SFMBT2: variants seen among roughly 807,000 people sequenced by gnomAD.
The protein encoded by SFMBT2 is scm-like with four MBT domains protein 2.
In SFMBT2, 38 loss-of-function variants were observed where a neutral mutation model predicts 110.1. The observed-to-expected ratio is 0.35, with a 90% CI of 0.27 to 0.45. The LOEUF (loss-of-function observed/expected upper bound fraction) is 0.45, where lower values mean the gene tolerates loss of function less well. Ranked by LOEUF, SFMBT2 falls within the 20% of genes least tolerant of loss-of-function variation. The pLI, the probability that SFMBT2 is intolerant of heterozygous loss-of-function variation, is 1.00. For synonymous variants in SFMBT2, 425 were observed against 425.4 expected, an observed-to-expected ratio of 1.00 and a Z score of 0.01; for missense variants, 1,011 against 1,094.9, an observed-to-expected ratio of 0.92 and a Z score of 1.08.
chr10:7,229,033 C>A (rs1840033084), intron 9 of SFMBT2, among the ~76,000 whole-genome samples: 3 of 152,068 alleles, frequency 2.0e-5, no homozygotes, highest in Admixed American at 2.0e-4. Flanking sequence ...TGTAAACAAG[C>A]AAAGGAAAAA....
At chr10:7,208,686 CAAAAAAAAA>C (rs5782957) in intron 11 of SFMBT2, among the ~76,000 whole-genome samples, 1 of 140,178 alleles carries the variant, frequency 7.1e-6, no homozygotes, top group African/African-American at 2.7e-5. Context: ...AATTCCATCT[CAAAAAAAAA>C]AAAAAGAAAA....
chr10:7,228,672 CTTCTTTCTTTCTTTCT>C (rs60421208), intron 9 of SFMBT2, among the ~76,000 whole-genome samples: 881 of 84,928 alleles, frequency 0.01, 30 homozygotes, highest in African/African-American at 0.022. Flanking sequence ...ACTAAAGTGG[CTTCTTTCTTTCTTTCT>C]TTCTTTCTTT....
chr10:7,328,271 T>C (rs987197966), intron 4 of SFMBT2, among the ~76,000 whole-genome samples: 3 of 152,268 alleles, frequency 2.0e-5, no homozygotes, highest in African/African-American at 7.2e-5. Context: ...ATATCTTCTT[T>C]GGTGAAGTGT....
chr10:7,270,118 G>T (rs1841534019), intron 7 of SFMBT2, among the ~76,000 whole-genome samples: 1 of 152,134 alleles, frequency 6.6e-6, no homozygotes, highest in Non-Finnish European at 1.5e-5. Flanking sequence ...GATTCACACA[G>T]GGCCAGTCAA....
At chr10:7,330,758 T>G (rs1412218997) in intron 4 of SFMBT2, among the ~76,000 whole-genome samples, 1 of 152,200 alleles carries the variant, frequency 6.6e-6, no homozygotes, top group African/African-American at 2.4e-5. Flanking sequence ...CCAAGTCAGA[T>G]GTGGTTCTTT....
chr10:7,304,363 G>A (rs976782180), intron 4 of SFMBT2, among the ~76,000 whole-genome samples: 1 of 152,094 alleles, frequency 6.6e-6, no homozygotes, highest in Admixed American at 6.5e-5. Context: ...TGATTGTGAG[G>A]CCTCCCCAGC....
rs1838917041 is a variant in SFMBT2, at chr10:7,200,453, G to A, written c.1519C>T (p.Pro507Ser). ...TGAGGGAATAAACAAAGGTCATGAGGTATTTTCTTAACAGGCACTGTGGGC... is the reference window on the plus strand; with the variant it reads ...TGAGGGAATAAACAAAGGTCATGAGATATTTTCTTAACAGGCACTGTGGGC... ...LPPTVPVKKIPHDLCLFPHLD... is the reference protein window; with the variant it reads ...LPPTVPVKKISHDLCLFPHLD... The change falls in exon 14 of 21, where the codon CCT (proline) becomes TCT (serine). Residue 507 changes from proline (P) to serine (S), a missense_variant. By Grantham distance (74) the Pro-to-Ser change is moderately conservative. Transcript: ENST00000397167. The A allele has an allele frequency of 6.2e-7, 1 of 1,601,572 alleles. No individual in the cohort carries two copies. Among genetic ancestry groups the A allele is most frequent in the African/African-American group, 1.3e-5 (1 of 74,416 alleles).
chr10:7,205,831 TGC>T lies in SFMBT2; in HGVS notation c.1426_1427del (p.Ala476ThrfsTer28). On this transcript the variant is annotated frameshift_variant, in exon 12 of 21. Coordinates refer to ENST00000397167, the MANE Select transcript of SFMBT2 (RefSeq NM_001387889.1). LOFTEE classifies it high-confidence loss of function. ...WCEANSYPLTAPHKTVSQKKR... is the reference protein window; with the variant it reads ...WCEANSYPLTXPHKTVSQKKR... ...ACCACTTACAGACTGTTTTGTGTGG[TGC>T]AGTCAAAGGATAAGAATTGGCTTCA... The T allele has an allele frequency of 6.2e-7, 1 of 1,614,068 alleles. No homozygotes were observed. The highest frequency in any genetic ancestry group is 8.5e-7 in the Non-Finnish European group (1 of 1,179,932).
intron 1 of SFMBT2, among the ~76,000 whole-genome samples, chr10:7,387,498 T>C (rs1004503948): frequency 6.6e-6 from 1 of 151,448 alleles, no homozygotes; most frequent in African/African-American, 2.4e-5. Context: ...AGAATGTACC[T>C]GGAATCCCAC....
At chr10:7,410,009 C>A (rs1003716634) in intron 1 of SFMBT2, among the ~76,000 whole-genome samples, 1 of 151,694 alleles carries the variant, frequency 6.6e-6, no homozygotes, top group Non-Finnish European at 1.5e-5. Flanking sequence ...TCTCGCAGTT[C>A]CTACAGTTGC....
In SFMBT2 at chr10:7,301,184, G is replaced by C. The variant is rs1033881037; in HGVS notation, c.437-15230C>G. ...CAGAAGTTCCTTCACTGAAAGTCTC[G>C]GGGAAGGGAATAGTCAGCATAAAGA... On this transcript the variant is annotated intron_variant, in intron 4 of 20. Coordinates refer to ENST00000397167, the MANE Select transcript of SFMBT2 (RefSeq NM_001387889.1). This position sits in a 1 kb window ranked among gnomAD's most constrained non-coding sequence, Gnocchi z 4.2. Among the ~76,000 whole-genome samples, 2 of 152,194 alleles carry C rather than the reference G, an allele frequency of 1.3e-5. No individual in the cohort carries two copies. Among genetic ancestry groups the C allele is most frequent in the Non-Finnish European group, 2.9e-5 (2 of 68,040 alleles).
At chr10:7,369,770 C>A (rs2132056009) in intron 3 of SFMBT2, among the ~76,000 whole-genome samples, 1 of 152,342 alleles carries the variant, frequency 6.6e-6, no homozygotes, top group South Asian at 2.1e-4. Flanking sequence ...GCTGACCCTA[C>A]CTGTGGTCTA....
chr10:7,283,851 A>C (rs1842015405), intron 6 of SFMBT2, 53 bp downstream of exon 6: 1 of 1,217,884 alleles, frequency 8.2e-7, no homozygotes, highest in South Asian at 1.3e-5. Context: ...ATCCAGGAAA[A>C]TATCACATCT....
At chr10:7,233,869 T>A (rs565535750) in intron 9 of SFMBT2, among the ~76,000 whole-genome samples, 1 of 152,216 alleles carries the variant, frequency 6.6e-6, no homozygotes, top group Non-Finnish European at 1.5e-5. Flanking sequence ...GGAGGCAAGA[T>A]TGCACAGACC....
chr10:7,383,484 T>G (rs115682450), intron 1 of SFMBT2, among the ~76,000 whole-genome samples: 1,987 of 152,294 alleles, frequency 0.013, 38 homozygotes, highest in African/African-American at 0.045. Context: ...TAATTCAAAG[T>G]GCATTGAGCT....
intron 11 of SFMBT2, among the ~76,000 whole-genome samples, chr10:7,216,649 A>T (rs1839552777): frequency 6.6e-6 from 1 of 152,092 alleles, no homozygotes; most frequent in African/African-American, 2.4e-5. Context: ...TTGCTTCTAA[A>T]AGTCTCCTCG....
intron 4 of SFMBT2, among the ~76,000 whole-genome samples, chr10:7,326,800 A>G (rs980799960): frequency 1.3e-5 from 2 of 152,066 alleles, no homozygotes; most frequent in African/African-American, 4.8e-5. Context: ...CTTTCTCATC[A>G]TTTCAAGTCA....
At position 7,365,565 on chromosome 10, in the gene SFMBT2, C is replaced by G. The variant is rs190012882; in HGVS notation, c.436+2084G>C. ...TCAAAGAACCACCCAAGTGGAAGAA[C>G]AGCTGCCTCTAAATGTCCACCCACT... On this transcript the variant is annotated intron_variant, in intron 4 of 20. Coordinates refer to ENST00000397167, the MANE Select transcript of SFMBT2 (RefSeq NM_001387889.1). Among the ~76,000 whole-genome samples the G allele has an allele frequency of 3.2e-3, 486 of 152,318 alleles. 1 individual carries two copies. Among genetic ancestry groups the G allele is most frequent in the African/African-American group, 0.011 (459 of 41,562 alleles).
chr10:7,352,118 C>A (rs1349331909), intron 4 of SFMBT2, among the ~76,000 whole-genome samples: 1 of 152,108 alleles, frequency 6.6e-6, no homozygotes, highest in Non-Finnish European at 1.5e-5. Context: ...ACTTCCCACC[C>A]CGTATACTGG....
Sources: allele counts gnomAD v4.1 joint callset (sites outside exome capture counted in the v4.1 genomes callset), GRCh38; gene constraint gnomAD v4.1.1; non-coding constraint Gnocchi (gnomAD v3.1); transcripts MANE v1.5; gene names NCBI Gene and HGNC (gene_info 2026-07-23, HGNC 2026-07-21).